EHMT1: variants seen among roughly 807,000 people sequenced by gnomAD.
EHMT1 encodes the protein euchromatic histone lysine methyltransferase 1, also known as histone-lysine N-methyltransferase EHMT1.
In EHMT1, 15 loss-of-function variants were observed where a neutral mutation model predicts 147.2. The observed-to-expected ratio is 0.10, with a 90% CI of 0.07 to 0.16. The LOEUF (loss-of-function observed/expected upper bound fraction) is 0.16, where lower values mean the gene tolerates loss of function less well. Ranked by LOEUF, EHMT1 falls within the 10% of genes least tolerant of loss-of-function variation. EHMT1 has a pLI of 1.00. For synonymous variants in EHMT1, 795 were observed against 709.6 expected, an observed-to-expected ratio of 1.12 and a Z score of -1.91; for missense variants, 1,587 against 1,772.4, an observed-to-expected ratio of 0.90 and a Z score of 1.88.
intron 1 of EHMT1, among the ~76,000 whole-genome samples, chr9:137,646,804 A>G (rs1844923196): frequency 6.6e-6 from 1 of 152,134 alleles, no homozygotes; most frequent in South Asian, 2.1e-4. Flanking sequence ...AAACACGGCT[A>G]TTCATGTTCA....
intron 1 of EHMT1, among the ~76,000 whole-genome samples, chr9:137,701,290 T>G (rs78003795): frequency 1.5e-5 from 2 of 135,460 alleles, no homozygotes; most frequent in African/African-American, 5.3e-5. Context: ...TTTTTTTCTC[T>G]TGTTTTTTTT....
intron 2 of EHMT1, among the ~76,000 whole-genome samples, chr9:137,712,161 T>C (rs527515311): frequency 6.7e-4 from 102 of 152,334 alleles, no homozygotes; most frequent in African/African-American, 2.3e-3. Flanking sequence ...TCTGTGTCTT[T>C]GAACTGTTTC....
chr9:137,793,676 A>G (rs1391812439), intron 16 of EHMT1, among the ~76,000 whole-genome samples: 1 of 152,260 alleles, frequency 6.6e-6, no homozygotes, highest in Non-Finnish European at 1.5e-5. Context: ...CAGCACATTC[A>G]GTCCATCCAT....
intron 1 of EHMT1, among the ~76,000 whole-genome samples, chr9:137,680,655 A>G (rs988584441): frequency 5.9e-5 from 9 of 152,212 alleles, no homozygotes; most frequent in African/African-American, 1.9e-4. Flanking sequence ...TTTCTTAGCA[A>G]CCATGGCAGA....
intron 10 of EHMT1, among the ~76,000 whole-genome samples, chr9:137,766,336 C>T (rs886100023): frequency 7.2e-5 from 11 of 152,182 alleles, no homozygotes; most frequent in African/African-American, 2.4e-4. Context: ...TATCTCAGGC[C>T]AGGCACAGTG....
At chr9:137,634,868 ATTTT>A (rs781056803) in intron 1 of EHMT1, among the ~76,000 whole-genome samples, 11,090 of 91,520 alleles carry the variant, frequency 0.12, 384 homozygotes, top group Admixed American at 0.24. Context: ...TGCCCAGCTA[ATTTT>A]TTTTTTTTTT....
chr9:137,758,314 A>G (rs115150556), intron 9 of EHMT1, among the ~76,000 whole-genome samples: 4,354 of 152,268 alleles, frequency 0.029, 79 homozygotes, highest in Middle Eastern at 0.061. Flanking sequence ...CCACGGCCAG[A>G]CGCCCTCCCT....
intron 1 of EHMT1, among the ~76,000 whole-genome samples, chr9:137,708,082 A>T (rs1178079286): frequency 6.6e-6 from 1 of 152,246 alleles, no homozygotes. Flanking sequence ...AAAAGTAAAC[A>T]TGTAACATTT....
intron 1 of EHMT1, among the ~76,000 whole-genome samples, chr9:137,670,763 G>A (rs1410688918): frequency 6.6e-6 from 1 of 152,190 alleles, no homozygotes; most frequent in Non-Finnish European, 1.5e-5. Context: ...TAGCCTCCCT[G>A]GGGTCTAGCG....
intron 1 of EHMT1, among the ~76,000 whole-genome samples, chr9:137,625,078 C>T (rs113653219): frequency 3.6e-4 from 55 of 151,006 alleles, no homozygotes; most frequent in South Asian, 1.3e-3. Context: ...GATGGGGTTT[C>T]GCCATATTGG....
At chr9:137,761,945 G>A (rs1396578007) in intron 9 of EHMT1, among the ~76,000 whole-genome samples, 1 of 152,064 alleles carries the variant, frequency 6.6e-6, no homozygotes, top group Non-Finnish European at 1.5e-5. Context: ...CTCCACCCCC[G>A]CCCCTGCTGC....
At chr9:137,737,058 G>A (rs1159951083) in intron 4 of EHMT1, among the ~76,000 whole-genome samples, 1 of 152,002 alleles carries the variant, frequency 6.6e-6, no homozygotes, top group Non-Finnish European at 1.5e-5. Context: ...ACAAAAATTA[G>A]CCAGGCATGG....
At chr9:137,827,287 G>C (rs1042632397) in intron 25 of EHMT1, among the ~76,000 whole-genome samples, 4 of 149,316 alleles carry the variant, frequency 2.7e-5, no homozygotes, top group Non-Finnish European at 5.9e-5. Context: ...CCACCCACCC[G>C]AGGCAGCAGC....
In EHMT1 at chr9:137,717,197, T is replaced by C. The variant is rs188119707; in HGVS notation, c.642+15T>C. On this transcript the variant is annotated intron_variant, in intron 3 of 26. Transcript: ENST00000460843. ...TCGTGGGCCTGGTAATTTTGTGTCT[T>C]CTCTTGCTGTTTCCTTTTTCCCATC... The C allele has an allele frequency of 1.2e-6, 2 of 1,610,670 alleles. No individual in the cohort carries two copies. The highest frequency in any genetic ancestry group is 1.7e-5 in the Admixed American group (1 of 59,986).
chr9:137,718,931 T>C (rs1461568613), intron 3 of EHMT1, among the ~76,000 whole-genome samples: 1 of 151,986 alleles, frequency 6.6e-6, no homozygotes, highest in African/African-American at 2.4e-5. Flanking sequence ...AATTTTTGTA[T>C]TTTTAGTAGA....
At chr9:137,777,740 TG>T (rs1951063767) in intron 12 of EHMT1, 141 bp from the exon 13 acceptor site, 1 of 1,290,104 alleles carries the variant, frequency 7.8e-7, no homozygotes. Flanking sequence ...TTCTGAATCC[TG>T]AACCGTTAAA....
In EHMT1 at chr9:137,757,924, G is replaced by A. The variant is rs372072542; in HGVS notation, c.1414G>A (p.Ala472Thr). ...KSSAGSAEQTAPGDSTGYMEV... is the reference protein window; with the variant it reads ...KSSAGSAEQTTPGDSTGYMEV... The stretch of plus-strand genomic sequence containing the variant: ...ATCTGCAGGAAGCGCTGAGCAGACG[G>A]CACCAGGAGACAGCACAGGGTACAT... The change falls in exon 9 of 27, where the codon GCA becomes ACA. Residue 472 changes from alanine to threonine, a missense_variant. Around this residue, in one of 7 missense-constraint regions of EHMT1, gnomAD observed 810 missense variants for 673.0 expected, o/e 1.20. Transcript: ENST00000460843. 2.8e-5 allele frequency: 45 copies of A among 1,614,012 alleles called. No individual in the cohort carries two copies. Among genetic ancestry groups the A allele is most frequent in the Non-Finnish European group, 3.4e-5 (40 of 1,180,036 alleles).
At position 137,813,458 on chromosome 9, in the gene EHMT1, C is replaced by G. The variant is rs1954659022; in HGVS notation, c.3108C>G (p.Ser1036Arg). 1.9e-6 allele frequency: 3 copies of G among 1,613,946 alleles called. No individual in the cohort carries two copies. The highest frequency in any genetic ancestry group is 2.5e-6 in the Non-Finnish European group (3 of 1,180,036). ...VNAVDSEPCP[S>R]NYKYVSQNCV... Reference sequence around the variant, plus strand: ...CCGTGGACAGCGAGCCATGCCCCAGCAACTACAAGTACGTCTCTCAGAACT... The same window carrying G: ...CCGTGGACAGCGAGCCATGCCCCAGGAACTACAAGTACGTCTCTCAGAACT... The change falls in exon 21 of 27, where the codon AGC (serine) becomes AGG (arginine). Residue 1036 changes from serine to arginine, a missense_variant. Ser to Arg is a moderately radical substitution (Grantham distance 110, BLOSUM62 -1). Coordinates refer to ENST00000460843, the MANE Select transcript of EHMT1 (RefSeq NM_024757.5). The surrounding 1 kb of genome is among the most constrained non-coding windows in gnomAD (Gnocchi z 4.9).
intron 10 of EHMT1, chr9:137,764,882 C>A (rs1801113018): frequency 6.6e-6 from 1 of 152,194 alleles, no homozygotes; most frequent in African/African-American, 2.4e-5. Flanking sequence ...AGATTCTGGA[C>A]TTAGCTCATA....
Sources: allele counts gnomAD v4.1 joint callset (sites outside exome capture counted in the v4.1 genomes callset), GRCh38; gene constraint gnomAD v4.1.1; regional missense constraint gnomAD v4.1.1; non-coding constraint Gnocchi (gnomAD v3.1); transcripts MANE v1.5; gene names NCBI Gene and HGNC (gene_info 2026-07-23, HGNC 2026-07-21).